EDARADD: variants seen among roughly 807,000 people sequenced by gnomAD.
EDARADD encodes EDAR associated via death domain, also known as ectodysplasin-A receptor-associated adapter protein.
In EDARADD, 20 loss-of-function variants were observed where a neutral mutation model predicts 25.6. That is an observed-to-expected ratio of 0.78 (90% CI 0.55 to 1.14). The LOEUF (loss-of-function observed/expected upper bound fraction) is 1.14, where lower values mean the gene tolerates loss of function less well. Ranked by LOEUF, EDARADD falls within the 50% of genes most tolerant of loss-of-function variation. The pLI is 0.00. For synonymous variants in EDARADD, 86 were observed against 94.4 expected (o/e 0.91, Z 0.52); for missense variants, 225 against 270.1 (o/e 0.83, Z 1.17).
At chr1:236,444,727 T>C (rs1440167616) in intron 4 of EDARADD, among the ~76,000 whole-genome samples, 2 of 152,122 alleles carry the variant, frequency 1.3e-5, no homozygotes, top group Non-Finnish European at 2.9e-5. Flanking sequence ...CCTGACCAAC[T>C]CTACAATGTT....
At chr1:236,363,030 T>TATAAATATATATATAA (rs1553262250) in intron 3 of EDARADD, among the ~76,000 whole-genome samples, 1 of 101,950 alleles carries the variant, frequency 9.8e-6, no homozygotes, top group Non-Finnish European at 1.9e-5. Flanking sequence ...TATATATATA[T>TATAAATATATATATAA]ATAAAATTTG....
At chr1:236,383,422 C>T (rs942974109) in intron 3 of EDARADD, among the ~76,000 whole-genome samples, 3 of 151,064 alleles carry the variant, frequency 2.0e-5, no homozygotes, top group African/African-American at 7.3e-5. Context: ...AGGCAGTAAG[C>T]TGAGTGCAAT....
intron 4 of EDARADD, among the ~76,000 whole-genome samples, chr1:236,442,124 T>C (rs1409412287): frequency 6.6e-6 from 1 of 150,720 alleles, no homozygotes; most frequent in Non-Finnish European, 1.5e-5. Context: ...GGACTTTCTT[T>C]CTTTCTTTTT....
At chr1:236,455,433 A>C (rs893073315) in intron 4 of EDARADD, among the ~76,000 whole-genome samples, 8 of 152,174 alleles carry the variant, frequency 5.3e-5, no homozygotes, top group Admixed American at 1.3e-4. Flanking sequence ...GAATCCCTTC[A>C]AGCTCCAACA....
intron 2 of EDARADD, 118 bp from the exon 3 acceptor site, chr1:236,414,142 G>T (rs1019317928): frequency 2.0e-5 from 17 of 845,906 alleles, no homozygotes; most frequent in Non-Finnish European, 3.3e-5. Flanking sequence ...ATAAGTTTGA[G>T]GTTAAACATT....
At chr1:236,362,987 G>GAAAA (rs577963160) in intron 3 of EDARADD, among the ~76,000 whole-genome samples, 17 of 29,534 alleles carry the variant, frequency 5.8e-4, no homozygotes, top group African/African-American at 9.5e-4. Context: ...CTTTTTTTAA[G>GAAAA]AAAAAAAAAA....
intron 5 of EDARADD, among the ~76,000 whole-genome samples, chr1:236,479,504 GA>G (rs148705067): frequency 6.8e-5 from 10 of 146,624 alleles, no homozygotes; most frequent in South Asian, 4.4e-4. Flanking sequence ...CAAAAAAAAA[GA>G]AAAAAAAAAC....
At chr1:236,464,280 C>T (rs1571951749) in intron 4 of EDARADD, among the ~76,000 whole-genome samples, 1 of 148,144 alleles carries the variant, frequency 6.8e-6, no homozygotes, top group African/African-American at 2.5e-5. Context: ...GATGGAGTCT[C>T]GCTCTGTCAC....
intron 1 of EDARADD, among the ~76,000 whole-genome samples, chr1:236,400,432 G>T (rs954866390): frequency 2.0e-5 from 3 of 152,138 alleles, no homozygotes; most frequent in Admixed American, 6.5e-5. Context: ...TGACAGAGTA[G>T]CCGAGGTCAG....
At chr1:236,428,892 G>A (rs553541149) in intron 4 of EDARADD, among the ~76,000 whole-genome samples, 41 of 152,146 alleles carry the variant, frequency 2.7e-4, no homozygotes, top group Non-Finnish European at 4.7e-4. Flanking sequence ...CCGGCGCCTC[G>A]GGAGGCCGAG....
intron 4 of EDARADD, among the ~76,000 whole-genome samples, chr1:236,464,755 G>T (rs1382250567): frequency 1.3e-5 from 2 of 151,954 alleles, no homozygotes; most frequent in Non-Finnish European, 2.9e-5. Context: ...TTTTGACACT[G>T]CTCCCCCTGC....
At chr1:236,358,152 C>G (rs937696127) in intron 3 of EDARADD, among the ~76,000 whole-genome samples, 66 of 152,180 alleles carry the variant, frequency 4.3e-4, no homozygotes, top group African/African-American at 1.4e-3. Flanking sequence ...ATTACAGGCA[C>G]GAGCCACTGC....
At chr1:236,421,423 G>C (rs1444103286) in intron 3 of EDARADD, among the ~76,000 whole-genome samples, 4 of 144,668 alleles carry the variant, frequency 2.8e-5, no homozygotes, top group Non-Finnish European at 4.6e-5. Flanking sequence ...TTGGCTAGGG[G>C]ACTTTGGCCA....
At chr1:236,351,001 A>G (rs765062550) in intron 3 of EDARADD, among the ~76,000 whole-genome samples, 4 of 152,072 alleles carry the variant, frequency 2.6e-5, no homozygotes, top group Non-Finnish European at 5.9e-5. Flanking sequence ...AAAAACCTCA[A>G]GGTAGTAGGT....
In EDARADD at chr1:236,482,615, A is replaced by G. The variant is rs1404781617; in HGVS notation, c.614A>G (p.Lys205Arg). 1.9e-6 allele frequency: 3 copies of G among 1,612,224 alleles called. No homozygotes were observed. Among genetic ancestry groups the G allele is most frequent in the African/African-American group, 1.3e-5 (1 of 74,858 alleles). Residue 205 changes from lysine to arginine, a missense_variant, in exon 6 of 6, where the codon AAG becomes AGG. Lys to Arg is a conservative substitution (Grantham distance 26). Coordinates refer to ENST00000334232, the MANE Select transcript of EDARADD (RefSeq NM_145861.4). ...AGGTGGGTGGACGAGGAGTGGCCCA[A>G]GCGGGAGCGTGGAGACCCCTCCAGG... ...LRRWVDEEWP[K>R]RERGDPSRHF
chr1:236,385,747 C>CTTT (rs1558106185), intron 3 of EDARADD, among the ~76,000 whole-genome samples: 6 of 152,008 alleles, frequency 3.9e-5, no homozygotes, highest in Admixed American at 6.6e-5. Context: ...AAAGCTCTTC[C>CTTT]TTTTACCAAA....
Position 236,483,749 on chromosome 1 carries a change from C to A in EDARADD, c.*1100C>A. On this transcript the variant is annotated 3_prime_UTR_variant, in exon 6 of 6. Coordinates refer to ENST00000334232, the MANE Select transcript of EDARADD (RefSeq NM_145861.4). ...AGGTTTACCACAGCCTGAAGAATGT[C>A]ATCAAGGAGAAATATGGGAAAGATG... The A allele has an allele frequency of 6.7e-7, 1 of 1,503,388 alleles. No homozygotes were observed. The highest frequency in any genetic ancestry group is 1.1e-5 in the South Asian group (1 of 88,776). The allele number at this position is 1,503,388 out of a possible 1,614,324, so 93.1% of individuals were successfully genotyped here.
rs538620539 is a variant in EDARADD, at chr1:236,452,893, G to A, written c.220-15338G>A. On this transcript the variant is annotated intron_variant, in intron 4 of 5. Transcript: ENST00000334232. The stretch of plus-strand genomic sequence containing the variant: ...AGGATGTCCCATTACAGTCTCCGCC[G>A]TATAGCTACGTAAGGGTTTCTTTAT... Among the ~76,000 whole-genome samples, 7 of 152,264 alleles carry A rather than the reference G, an allele frequency of 4.6e-5. No homozygotes were observed. In the East Asian group the frequency reaches 5.8e-4, roughly 13 times the overall value.
At chr1:236,460,185 T>TCC (rs1410398032) in intron 4 of EDARADD, among the ~76,000 whole-genome samples, 1 of 132,320 alleles carries the variant, frequency 7.6e-6, no homozygotes, top group Non-Finnish European at 1.7e-5. Context: ...TCTTTTTCTT[T>TCC]TCTTTTTTTT....
Sources: gnomAD v4.1 joint callset for allele counts (sites outside exome capture counted in the v4.1 genomes callset) on GRCh38, gnomAD v4.1.1 for gene constraint, MANE v1.5 for transcripts, NCBI Gene and HGNC (gene_info 2026-07-23, HGNC 2026-07-21) for gene names.